The following IRGM variants were observed in gnomAD, a reference collection of about 807,000 sequenced individuals.
IRGM encodes immunity related GTPase M, also known as immunity-related GTPase family M protein.
For synonymous variants in IRGM, 98 were observed against 80.6 expected (o/e 1.22, Z -1.16); for missense variants, 288 against 219.9 (o/e 1.31, Z -1.96).
At chr5:150,898,414 G>A (rs371158014) in intron 3 of IRGM, 1 of 1,613,252 alleles carries the variant, frequency 6.2e-7, no homozygotes, top group African/African-American at 1.3e-5. Flanking sequence ...GTTATTCAGG[G>A]AAGCCATCCT....
At chr5:150,882,130 C>T (rs1754454719) in intron 3 of IRGM, among the ~76,000 whole-genome samples, 1 of 151,478 alleles carries the variant, frequency 6.6e-6, no homozygotes, top group Non-Finnish European at 1.5e-5. Flanking sequence ...TGCTGTGAGC[C>T]ATGATCTCAG....
chr5:150,862,902 G>A (rs1414040676), intron 1 of IRGM, among the ~76,000 whole-genome samples: 2 of 152,160 alleles, frequency 1.3e-5, no homozygotes, highest in African/African-American at 4.8e-5. Flanking sequence ...TTTCCGTCTG[G>A]CACTACTGCT....
intron 1 of IRGM, among the ~76,000 whole-genome samples, chr5:150,871,491 T>G (rs1025970140): frequency 6.6e-6 from 1 of 152,242 alleles, no homozygotes; most frequent in Non-Finnish European, 1.5e-5. Context: ...TTACTTCTGC[T>G]GTCTCTCCTT....
At chr5:150,877,857 C>T in intron 1 of IRGM, 2 of 377,308 alleles carry the variant, frequency 5.3e-6, no homozygotes, top group Non-Finnish European at 1.0e-5. Flanking sequence ...TTTTAGTTTC[C>T]TAGTTTGCAT....
chr5:150,895,448 TC>T, intron 3 of IRGM: 3 of 1,606,522 alleles, frequency 1.9e-6, no homozygotes, highest in Non-Finnish European at 2.6e-6. Flanking sequence ...CTGTGTGAAT[TC>T]TCTGGTGTAC....
rs148190877 is a variant in IRGM, at chr5:150,898,437, C to T, written c.*141-2152C>T. On this transcript the variant is annotated intron_variant and NMD_transcript_variant, in intron 3 of 3. Transcript: ENST00000520549. ...GGGAAGCCATCCTTACCCATTGAGACCAGGTGGCTGTAGTTCTCCAGCATC... is the reference window on the plus strand; with the variant it reads ...GGGAAGCCATCCTTACCCATTGAGATCAGGTGGCTGTAGTTCTCCAGCATC... 81 of 1,613,276 alleles carry T rather than the reference C, an allele frequency of 5.0e-5. No individual in the cohort carries two copies. The African/African-American group carries it at 9.6e-4, about 19-fold the overall frequency.
chr5:150,880,802 T>C (rs1362607156), intron 3 of IRGM, among the ~76,000 whole-genome samples: 3 of 152,170 alleles, frequency 2.0e-5, no homozygotes, highest in Admixed American at 6.5e-5. Flanking sequence ...TTGCTTTGTG[T>C]TGTCCTTGAT....
chr5:150,892,513 A>C (rs1349875190), intron 3 of IRGM, among the ~76,000 whole-genome samples: 2 of 152,138 alleles, frequency 1.3e-5, no homozygotes, highest in African/African-American at 4.8e-5. Flanking sequence ...TTGTCTACAA[A>C]TAACAACACT....
chr5:150,854,492 G>T (rs62380619), intron 1 of IRGM, among the ~76,000 whole-genome samples: 5,504 of 152,210 alleles, frequency 0.036, 139 homozygotes, highest in Non-Finnish European at 0.052. Context: ...TATAGTGGAG[G>T]ACTAGTAGTA....
At chr5:150,879,883 A>G (rs1341716624) in intron 3 of IRGM, among the ~76,000 whole-genome samples, 1 of 152,162 alleles carries the variant, frequency 6.6e-6, no homozygotes, top group Admixed American at 6.5e-5. Context: ...TTGAAGCAGT[A>G]TATTGTAAGA....
chr5:150,896,082 C>T (rs1754760453), intron 3 of IRGM: 1 of 1,613,462 alleles, frequency 6.2e-7, no homozygotes, highest in African/African-American at 1.3e-5. Context: ...GGCCTTCCCA[C>T]ACTCTCTACA....
chr5:150,861,769 G>T (rs1032337507), intron 1 of IRGM, among the ~76,000 whole-genome samples: 1 of 152,036 alleles, frequency 6.6e-6, no homozygotes, highest in Admixed American at 6.5e-5. Flanking sequence ...GAGGGGGTGA[G>T]GATGTTTTGC....
In IRGM at chr5:150,854,505, G is replaced by A. The variant is rs147244464; in HGVS notation, c.158+5851G>A. Among the ~76,000 whole-genome samples, 143 of 152,234 alleles carry A rather than the reference G, an allele frequency of 9.4e-4. 1 individual carries two copies. Among genetic ancestry groups the A allele is most frequent in the African/African-American group, 3.3e-3 (137 of 41,558 alleles). On this transcript the variant is annotated intron_variant and NMD_transcript_variant, in intron 1 of 3. Transcript: ENST00000520549. ...ATTATAGTGGAGGACTAGTAGTAAT[G>A]TAGCCTCTTAGCTTGTTTACCTGGG...
chr5:150,893,629 A>G (rs1754655686), intron 3 of IRGM, among the ~76,000 whole-genome samples: 1 of 152,140 alleles, frequency 6.6e-6, no homozygotes, highest in South Asian at 2.1e-4. Context: ...AGCCTGATAA[A>G]AGAATTATGC....
At position 150,873,591 on chromosome 5, in the gene IRGM, G is replaced by A. The variant is rs1754320739; in HGVS notation, c.159-4389G>A. Among the ~76,000 whole-genome samples, 3 of 152,166 alleles carry A rather than the reference G, an allele frequency of 2.0e-5. No individual in the cohort carries two copies. The South Asian group carries it at 6.2e-4, about 32-fold the overall frequency. ...ATTGTGGCCTTCCAGTAAAAGTAGA[G>A]GCTTATGGAGATCAGGTAATTAATG... On this transcript the variant is annotated intron_variant and NMD_transcript_variant, in intron 1 of 3. Coordinates refer to the IRGM transcript ENST00000520549.
intron 1 of IRGM, among the ~76,000 whole-genome samples, chr5:150,854,433 T>C (rs542732738): frequency 6.6e-6 from 1 of 152,296 alleles, no homozygotes; most frequent in Non-Finnish European, 1.5e-5. Context: ...TTCAAGTTAC[T>C]GTCTATTGTC....
chr5:150,872,611 C>T (rs1754301801), intron 1 of IRGM, among the ~76,000 whole-genome samples: 1 of 152,128 alleles, frequency 6.6e-6, no homozygotes, highest in Non-Finnish European at 1.5e-5. Context: ...TTGGAAGAAA[C>T]ATAGAGGTTG....
chr5:150,875,114 CT>C, intron 1 of IRGM, among the ~76,000 whole-genome samples: 1 of 152,318 alleles, frequency 6.6e-6, no homozygotes, highest in South Asian at 2.1e-4. Context: ...TCCTGCAACC[CT>C]GCCTTCTCTC....
chr5:150,898,709 A>AG (rs1472813058), intron 3 of IRGM, among the ~76,000 whole-genome samples: 1 of 151,940 alleles, frequency 6.6e-6, no homozygotes, highest in Non-Finnish European at 1.5e-5. Context: ...GCATATGAGG[A>AG]GAAAAAAAGA....
Sources: gnomAD v4.1 joint callset for allele counts (sites outside exome capture counted in the v4.1 genomes callset) on GRCh38, gnomAD v4.1.1 for gene constraint, MANE v1.5 for transcripts, NCBI Gene and HGNC (gene_info 2026-07-23, HGNC 2026-07-21) for gene names.